CFAP46: variants seen among roughly 807,000 people sequenced by gnomAD.
The protein encoded by CFAP46 is cilia and flagella associated protein 46, also known as cilia- and flagella-associated protein 46.
CFAP46 carries 245 observed loss-of-function variants against 325.7 expected under a neutral mutation model. The observed-to-expected ratio is 0.75, with a 90% CI of 0.68 to 0.84. The LOEUF (loss-of-function observed/expected upper bound fraction) is 0.84. Among genes scored for constraint, CFAP46 ranks in the 40% least tolerant of loss-of-function variants. The pLI is 0.00. For missense variants in CFAP46, 3,346 were observed against 3,543.0 expected (o/e 0.94, Z 1.41); for synonymous variants, 1,523 against 1,495.9 (o/e 1.02, Z -0.42).
In CFAP46 at chr10:132,938,750, G is replaced by C; in HGVS notation, c.375C>G (p.Tyr125Ter). ...AINFAKGEPRYYFLVYNASVL... is the reference protein window; with the variant it reads ...AINFAKGEPR ...CTGATGCATTGTACACCAAAAAGTA[G>C]TACCTGCGGCGCGAGCAGAGGAAGC... is the stretch of plus-strand genomic sequence containing the variant. The change falls in exon 5 of 58, where the codon TAC (tyrosine) becomes TAG (stop). Residue 125 changes from tyrosine to a stop codon, truncating the protein, a stop_gained. Transcript: ENST00000368586. LOFTEE classifies it high-confidence loss of function. 1 of 1,611,500 alleles carries C rather than the reference G, an allele frequency of 6.2e-7. No homozygotes were observed.
At position 132,837,121 on chromosome 10, in the gene CFAP46, C is replaced by T. The variant is rs1848264822; in HGVS notation, c.6439-207G>A. On this transcript the variant is annotated intron_variant, in intron 44 of 57. Transcript: ENST00000368586. ...GGGGGCAGCAGAGGCACGCAAGAGT[C>T]ACCGGCGGCCCCAAAATGTCATTTC... The T allele has an allele frequency of 1.4e-5, 7 of 506,270 alleles. 1 individual carries two copies. In the South Asian group the frequency reaches 2.1e-4, roughly 15 times the overall value. The allele number at this position is 506,270 out of a possible 1,614,324, so 31.4% of individuals were successfully genotyped here.
At chr10:132,821,462 C>CAG (rs1847823900) in intron 50 of CFAP46, among the ~76,000 whole-genome samples, 1 of 109,810 alleles carries the variant, frequency 9.1e-6, no homozygotes, top group African/African-American at 3.9e-5. Flanking sequence ...GCTGTGTGTG[C>CAG]TGATGTGTGT....
intron 18 of CFAP46, 106 bp from the exon 19 acceptor site, chr10:132,912,926 C>T: frequency 6.7e-7 from 1 of 1,482,302 alleles, no homozygotes; most frequent in East Asian, 2.5e-5. Flanking sequence ...TGCACGGGTG[C>T]CCACGACCCT....
rs1217645385 is a variant in CFAP46 at position 132,938,747 on chromosome 10, G to A, written c.378C>T (p.Tyr126=). 6.2e-7 allele frequency: 1 copy of A among 1,611,996 alleles called. No homozygotes were observed. The highest frequency in any genetic ancestry group is 2.2e-5 in the East Asian group (1 of 44,854). ...GGACTGATGCATTGTACACCAAAAA[G>A]TAGTACCTGCGGCGCGAGCAGAGGA... The part of the protein sequence containing the change: ...INFAKGEPRY[Y]FLVYNASVLY... Residue 126 remains tyrosine, a synonymous_variant, in exon 5 of 58, where the codon TAC becomes TAT. Transcript: ENST00000368586.
At chr10:132,820,085 G>A (rs1847764891) in intron 50 of CFAP46, among the ~76,000 whole-genome samples, 1 of 152,202 alleles carries the variant, frequency 6.6e-6, no homozygotes, top group African/African-American at 2.4e-5. Context: ...AGGACCTGAA[G>A]GGACATTTCT....
chr10:132,918,389 G>A lies in CFAP46; in HGVS notation c.1986+4C>T, dbSNP rs1459179641. The A allele has an allele frequency of 6.5e-6, 10 of 1,538,018 alleles. No individual in the cohort carries two copies. The East Asian group carries it at 9.9e-5, about 15-fold the overall frequency. On this transcript the variant is annotated splice_donor_region_variant and intron_variant, in intron 16 of 57. Coordinates refer to ENST00000368586, the MANE Select transcript of CFAP46 (RefSeq NM_001200049.3). Reference sequence around the variant, plus strand: ...ACCGATGAACCCCCCTCTCCATGACGCACCTCAGCATGGATGAACCCCACC... The same window carrying A: ...ACCGATGAACCCCCCTCTCCATGACACACCTCAGCATGGATGAACCCCACC...
intron 50 of CFAP46, among the ~76,000 whole-genome samples, chr10:132,822,816 GTGCTGTGTGTGCTGATGTGTGCTGA>G: frequency 1.0e-5 from 1 of 99,870 alleles, no homozygotes; most frequent in South Asian, 3.4e-4. Flanking sequence ...TGTGTGCTGT[GTGCTGTGTGTGCTGATGTGTGCTGA>G]TGTGTGCACT....
chr10:132,824,961 TGTG>T (rs1848010575), intron 50 of CFAP46, among the ~76,000 whole-genome samples: 1 of 144,978 alleles, frequency 6.9e-6, no homozygotes. Flanking sequence ...ATGTGTGCTG[TGTG>T]AGTGCTGATG....
chr10:132,808,441 C>T lies in CFAP46; in HGVS notation c.8128G>A (p.Val2710Met), dbSNP rs77306021. 19 of 1,606,470 alleles carry T rather than the reference C, an allele frequency of 1.2e-5. No individual in the cohort carries two copies. Among genetic ancestry groups the T allele is most frequent in the Middle Eastern group, 1.7e-4 (1 of 6,058 alleles). Residue 2710 changes from valine to methionine, a missense_variant, in exon 58 of 58, where the codon GTG becomes ATG. Physicochemically the swap from Val to Met is conservative, Grantham distance 21. Transcript: ENST00000368586. This position sits in a 1 kb window ranked among gnomAD's most constrained non-coding sequence, Gnocchi z 6.8. Reference sequence around the variant, plus strand: ...AACACTCAAATCAAAAACAGGCTCACGGTCTGAATAGTCTTCTGGTCTAAG... The same window carrying T: ...AACACTCAAATCAAAAACAGGCTCATGGTCTGAATAGTCTTCTGGTCTAAG... ...SCLDQKTIQT[V>M]SLFLI is the part of the protein sequence containing the mutation.
intron 38 of CFAP46, 37 bp downstream of exon 38, chr10:132,859,034 A>T (rs1564781496): frequency 6.5e-7 from 1 of 1,534,238 alleles, no homozygotes; most frequent in Non-Finnish European, 8.8e-7. Context: ...TAAGAGAAGC[A>T]GTGACTCCCG....
chr10:132,829,100 A>T (rs966859610), intron 50 of CFAP46, among the ~76,000 whole-genome samples: 1 of 140,526 alleles, frequency 7.1e-6, no homozygotes, highest in Admixed American at 6.9e-5. Context: ...AAAAAAAAAA[A>T]CATCCTGTGG....
At chr10:132,861,814 G>A (rs771285914) in intron 35 of CFAP46, among the ~76,000 whole-genome samples, 1 of 152,214 alleles carries the variant, frequency 6.6e-6, no homozygotes, top group Non-Finnish European at 1.5e-5. Context: ...TTTGGACCTG[G>A]GCAGGCCCCT....
At position 132,934,847 on chromosome 10, in the gene CFAP46, A is replaced by G; in HGVS notation, c.771T>C (p.Asn257=). 6.2e-7 allele frequency: 1 copy of G among 1,605,290 alleles called. No individual in the cohort carries two copies. The highest frequency in any genetic ancestry group is 8.5e-7 in the Non-Finnish European group (1 of 1,172,444). ...INMLKAKAEQ[N]DLPGDISVIL... ...TGACACTGATGTCACCTGGTAAATC[A>G]TTTTGCTCCGCTTTTCTAGAAATAA... Residue 257 remains asparagine (N), a synonymous_variant, in exon 8 of 58, where the codon AAT becomes AAC. Coordinates refer to ENST00000368586, the MANE Select transcript of CFAP46 (RefSeq NM_001200049.3).
rs1023481788 is a variant in CFAP46, at chr10:132,919,473, G to A, written c.1731-31C>T. ...CACCGAGAACCCAAACGAGTGAAAGGTGAGTAGACAAGTGTGGTTGCTGAA... is the reference window on the plus strand; with the variant it reads ...CACCGAGAACCCAAACGAGTGAAAGATGAGTAGACAAGTGTGGTTGCTGAA... On this transcript the variant is annotated intron_variant, in intron 14 of 57. Coordinates refer to ENST00000368586, the MANE Select transcript of CFAP46 (RefSeq NM_001200049.3). This position sits in a 1 kb window ranked among gnomAD's most constrained non-coding sequence, Gnocchi z 9.7. The A allele has an allele frequency of 1.8e-5, 28 of 1,537,322 alleles. No individual in the cohort carries two copies. The highest frequency in any genetic ancestry group is 4.1e-5 in the Admixed American group (2 of 48,762).
chr10:132,845,995 C>T (rs1383702035), intron 44 of CFAP46, 62 bp downstream of exon 44: 1 of 1,528,294 alleles, frequency 6.5e-7, no homozygotes, highest in Non-Finnish European at 8.8e-7. Flanking sequence ...TGTGCGGCTG[C>T]AGTGTCTGTC....
Position 132,876,071 on chromosome 10 carries a change from C to A in CFAP46, c.4362+741G>T, listed in dbSNP as rs1848953617. Reference sequence around the variant, plus strand: ...GGGCGACAGCCTGGAGGGCACATCACAAAAGAGGACCTCCAAGGATAGGAA... The same window carrying A: ...GGGCGACAGCCTGGAGGGCACATCAAAAAAGAGGACCTCCAAGGATAGGAA... On this transcript the variant is annotated intron_variant, in intron 31 of 57. Coordinates refer to ENST00000368586, the MANE Select transcript of CFAP46 (RefSeq NM_001200049.3). The surrounding 1 kb of genome is among the most constrained non-coding windows in gnomAD (Gnocchi z 4.1). Among the ~76,000 whole-genome samples the A allele has an allele frequency of 6.6e-6, 1 of 152,240 alleles. No individual in the cohort carries two copies.
intron 55 of CFAP46, among the ~76,000 whole-genome samples, chr10:132,811,268 C>T (rs893279655): frequency 1.3e-5 from 2 of 152,210 alleles, no homozygotes; most frequent in Non-Finnish European, 2.9e-5. Flanking sequence ...GCGACTGTGC[C>T]GGGCAACAGG....
At chr10:132,941,120 T>A in intron 3 of CFAP46, 60 bp from the exon 4 acceptor site, 2 of 1,561,752 alleles carry the variant, frequency 1.3e-6, no homozygotes, top group Non-Finnish European at 1.8e-6. Flanking sequence ...CACTGCCCCA[T>A]CTGCGGATGC....
intron 1 of CFAP46, 96 bp from the exon 2 acceptor site, chr10:132,942,200 G>GCC: frequency 3.4e-6 from 5 of 1,470,462 alleles, no homozygotes; most frequent in Non-Finnish European, 4.6e-6. Context: ...GCCGCCTTGG[G>GCC]CCCCCGGGCC....
Sources: allele counts gnomAD v4.1 joint callset (sites outside exome capture counted in the v4.1 genomes callset), GRCh38; gene constraint gnomAD v4.1.1; non-coding constraint Gnocchi (gnomAD v3.1); transcripts MANE v1.5; gene names NCBI Gene and HGNC (gene_info 2026-07-23, HGNC 2026-07-21).